The following RAD54L2 variants were observed in gnomAD, a reference collection of about 807,000 sequenced individuals.
The protein encoded by RAD54L2 is RAD54 like 2.
RAD54L2 carries 27 observed loss-of-function variants against 138.4 expected under a neutral mutation model. The observed-to-expected ratio is 0.20, with a 90% CI of 0.14 to 0.27. The LOEUF (loss-of-function observed/expected upper bound fraction) is 0.27, where lower values mean the gene tolerates loss of function less well. RAD54L2 is among the 10% of genes least tolerant of loss of function. RAD54L2 has a pLI of 1.00. For missense variants in RAD54L2, 1,396 were observed against 1,890.2 expected (o/e 0.74, Z 4.85); for synonymous variants, 644 against 723.2 (o/e 0.89, Z 1.76).
intron 2 of RAD54L2, among the ~76,000 whole-genome samples, chr3:51,587,103 CT>C (rs960940069): frequency 3.8e-4 from 55 of 146,144 alleles, no homozygotes; most frequent in Non-Finnish European, 5.2e-4. Context: ...TGATTTCTTT[CT>C]TTTTTTTTTT....
chr3:51,606,670 TTATGTATCTATGTATG>T (rs961876247), intron 3 of RAD54L2, among the ~76,000 whole-genome samples: 13 of 152,128 alleles, frequency 8.5e-5, no homozygotes, highest in Non-Finnish European at 1.8e-4. Context: ...ATTTTTTTTT[TTATGTATCTATGTATG>T]TATGTATTTA....
At chr3:51,585,380 A>G (rs147884129) in intron 2 of RAD54L2, among the ~76,000 whole-genome samples, 1 of 152,252 alleles carries the variant, frequency 6.6e-6, no homozygotes, top group African/African-American at 2.4e-5. Flanking sequence ...CTGCCTCACA[A>G]TGATGAGGCA....
At position 51,641,769 on chromosome 3, in the gene RAD54L2, C is replaced by A. The variant is rs1296559128; in HGVS notation, c.2252C>A (p.Ala751Asp). Reference sequence around the variant, plus strand: ...TTCAGCCAGAGTCTTTCCACCTTGGCTCTCATCGAGGAATTCCTTGGAAAA... The same window carrying A: ...TTCAGCCAGAGTCTTTCCACCTTGGATCTCATCGAGGAATTCCTTGGAAAA... ...LVFSQSLSTLALIEEFLGKRE... is the reference protein window; with the variant it reads ...LVFSQSLSTLDLIEEFLGKRE... Residue 751 changes from alanine (A) to aspartate (D), a missense_variant, in exon 15 of 23, where the codon GCT (alanine) becomes GAT (aspartate). Ala to Asp is a moderately radical substitution (Grantham distance 126, BLOSUM62 -2). Transcript: ENST00000684192. 23 of 1,591,830 alleles carry A rather than the reference C, an allele frequency of 1.4e-5. No individual in the cohort carries two copies. Among genetic ancestry groups the A allele is most frequent in the Non-Finnish European group, 2.0e-5 (23 of 1,168,556 alleles).
chr3:51,553,411 C>T lies in RAD54L2; in HGVS notation c.-55+11761C>T, dbSNP rs143160160. On this transcript the variant is annotated intron_variant, in intron 2 of 22. Coordinates refer to ENST00000684192, the MANE Select transcript of RAD54L2 (RefSeq NM_015106.4). ...TTTAATAATAATAATCATAGCAGCT[C>T]ACATACTGTATACAGGCATGCTTTG... Among the ~76,000 whole-genome samples the T allele has an allele frequency of 1.2e-4, 19 of 152,278 alleles. No individual in the cohort carries two copies. The East Asian group carries it at 3.5e-3, about 28-fold the overall frequency.
chr3:51,662,627 G>GC lies in RAD54L2; in HGVS notation c.3617dup (p.Ala1207GlyfsTer17). 6.2e-7 allele frequency: 1 copy of GC among 1,612,196 alleles called. No individual in the cohort carries two copies. Among genetic ancestry groups the GC allele is most frequent in the Admixed American group, 1.7e-5 (1 of 59,816 alleles). ...CCAAGCACCAATGCCGCCCTGCCTG[G>GC]CCCCCCGGCCCAACTTATGGACAGC... On this transcript the variant is annotated frameshift_variant, in exon 23 of 23. Coordinates refer to ENST00000684192, the MANE Select transcript of RAD54L2 (RefSeq NM_015106.4). LOFTEE classifies it high-confidence loss of function. The surrounding 1 kb of genome is among the most constrained non-coding windows in gnomAD (Gnocchi z 4.6).
At chr3:51,653,937 T>C (rs1701525431) in intron 19 of RAD54L2, among the ~76,000 whole-genome samples, 4 of 152,108 alleles carry the variant, frequency 2.6e-5, no homozygotes, top group Admixed American at 2.6e-4. Context: ...ATAATAAAAT[T>C]CAAACAAACA....
Position 51,637,164 on chromosome 3 carries a change from T to C in RAD54L2, c.1343T>C (p.Phe448Ser), listed in dbSNP as rs1701001904. The C allele has an allele frequency of 1.3e-6, 2 of 1,578,072 alleles. No homozygotes were observed. Among genetic ancestry groups the C allele is most frequent in the Admixed American group, 1.8e-5 (1 of 54,340 alleles). ...CCGGATCCTCTTCCCTCCCTAGAGT[T>C]TGAGAAGGCTTTATGCCGCCCTGGC... ...EDRQQEFRRE[F>S]EKALCRPGPD... The change falls in exon 11 of 23, where the codon TTT (phenylalanine) becomes TCT (serine). Residue 448 changes from phenylalanine (F) to serine (S), a missense_variant. By Grantham distance (155) the Phe-to-Ser change is radical. Transcript: ENST00000684192. The surrounding 1 kb of genome is among the most constrained non-coding windows in gnomAD (Gnocchi z 5.9).
intron 3 of RAD54L2, among the ~76,000 whole-genome samples, chr3:51,605,245 A>C (rs1003844522): frequency 6.6e-6 from 1 of 151,456 alleles, no homozygotes; most frequent in Non-Finnish European, 1.5e-5. Context: ...CCCCACCACC[A>C]TGCCCAGCTA....
chr3:51,581,643 T>C (rs775603285), intron 2 of RAD54L2, among the ~76,000 whole-genome samples: 7 of 152,164 alleles, frequency 4.6e-5, no homozygotes, highest in Admixed American at 6.5e-5. Flanking sequence ...GGCTCTGTGA[T>C]AGAGCTCTCA....
intron 3 of RAD54L2, among the ~76,000 whole-genome samples, chr3:51,612,193 A>C (rs1379285881): frequency 6.6e-6 from 1 of 152,200 alleles, no homozygotes; most frequent in Non-Finnish European, 1.5e-5. Context: ...GGCCGGGTAC[A>C]GTGGCTCATG....
chr3:51,556,908 T>C (rs1193558027), intron 2 of RAD54L2, among the ~76,000 whole-genome samples: 1 of 152,078 alleles, frequency 6.6e-6, no homozygotes, highest in Non-Finnish European at 1.5e-5. Flanking sequence ...TTGTCTGGCT[T>C]GGTCCTGCAT....
chr3:51,571,247 G>A (rs1699330954), intron 2 of RAD54L2, among the ~76,000 whole-genome samples: 1 of 151,976 alleles, frequency 6.6e-6, no homozygotes, highest in Non-Finnish European at 1.5e-5. Context: ...CAGGCTTTTA[G>A]TTCATCCCAG....
rs1701644072 is a variant in RAD54L2 at position 51,657,804 on chromosome 3, A to G, written c.3316+135A>G. On this transcript the variant is annotated intron_variant, in intron 21 of 22. Transcript: ENST00000684192. Reference sequence around the variant, plus strand: ...TTAGGATGTCACATTCCGGAACTGAATGAGAAAATAGCATTTGTAGGAGCT... The same window carrying G: ...TTAGGATGTCACATTCCGGAACTGAGTGAGAAAATAGCATTTGTAGGAGCT... 1.3e-5 allele frequency: 8 copies of G among 633,218 alleles called. No individual in the cohort carries two copies. The East Asian group carries it at 2.4e-4, about 19-fold the overall frequency. 39.2% of individuals were successfully genotyped at this position (633,218 alleles called of 1,614,324 possible). A position where few individuals can be genotyped will look rare whatever the true frequency, so the allele number is the denominator to read the frequency against.
chr3:51,649,944 T>A (rs542671722), intron 19 of RAD54L2, among the ~76,000 whole-genome samples: 8 of 152,186 alleles, frequency 5.3e-5, no homozygotes, highest in South Asian at 2.1e-4. Flanking sequence ...AATATTAACT[T>A]TAAATGTAAA....
intron 3 of RAD54L2, among the ~76,000 whole-genome samples, chr3:51,611,124 A>G (rs1700316710): frequency 6.7e-6 from 1 of 149,222 alleles, no homozygotes; most frequent in Non-Finnish European, 1.5e-5. Context: ...TCCCTTAGAG[A>G]GATGAGAGAC....
At chr3:51,576,261 G>A (rs559619289) in intron 2 of RAD54L2, among the ~76,000 whole-genome samples, 2 of 152,258 alleles carry the variant, frequency 1.3e-5, no homozygotes, top group East Asian at 3.9e-4. Flanking sequence ...GTATTTTATT[G>A]AGGATTTTTG....
rs947741411 is a variant in RAD54L2 at position 51,643,300 on chromosome 3, T to C, written c.2351-575T>C. On this transcript the variant is annotated intron_variant, in intron 15 of 22. Coordinates refer to ENST00000684192, the MANE Select transcript of RAD54L2 (RefSeq NM_015106.4). ...TGCACGCCTTGGCCTCCCAAACTGT[T>C]GGGATTACAGGCGTGAGCCACTGTG... Among the ~76,000 whole-genome samples, 2 of 152,258 alleles carry C rather than the reference T, an allele frequency of 1.3e-5. 1 individual carries two copies. The highest frequency in any genetic ancestry group is 4.1e-4 in the South Asian group (2 of 4,834).
At chr3:51,586,601 T>G (rs1699715634) in intron 2 of RAD54L2, among the ~76,000 whole-genome samples, 1 of 146,432 alleles carries the variant, frequency 6.8e-6, no homozygotes, top group African/African-American at 2.5e-5. Context: ...GGAGTTTCAC[T>G]CTTGTTGCCC....
chr3:51,659,149 A>G (rs1418568089), intron 21 of RAD54L2, among the ~76,000 whole-genome samples: 1 of 120,524 alleles, frequency 8.3e-6, no homozygotes, highest in East Asian at 2.4e-4. Flanking sequence ...TCTGTTGCCC[A>G]GGCTGGAGTG....
Sources: allele counts gnomAD v4.1 joint callset (sites outside exome capture counted in the v4.1 genomes callset), GRCh38; gene constraint gnomAD v4.1.1; non-coding constraint Gnocchi (gnomAD v3.1); transcripts MANE v1.5; gene names NCBI Gene and HGNC (gene_info 2026-07-23, HGNC 2026-07-21).